TENM3: variants seen among roughly 807,000 people sequenced by gnomAD.
TENM3 encodes teneurin transmembrane protein 3.
A neutral mutation model predicts 255.1 loss-of-function variants in TENM3; 63 were observed. The observed-to-expected ratio is 0.25, with a 90% CI of 0.20 to 0.30. The LOEUF is 0.30. Ranked by LOEUF, TENM3 falls within the 10% of genes least tolerant of loss-of-function variation. TENM3 has a pLI of 1.00. For missense variants in TENM3, 2,929 were observed against 3,461.1 expected (o/e 0.85, Z 3.86); for synonymous variants, 1,306 against 1,322.3 (o/e 0.99, Z 0.27).
chr4:182,468,320 G>T (rs766835362), intron 3 of TENM3, among the ~76,000 whole-genome samples: 10 of 152,138 alleles, frequency 6.6e-5, no homozygotes, highest in Non-Finnish European at 1.0e-4. Context: ...TTTGACAGTG[G>T]TCAGATTTCC....
chr4:182,408,195 G>A (rs1769718954), intron 3 of TENM3, among the ~76,000 whole-genome samples: 1 of 152,168 alleles, frequency 6.6e-6, no homozygotes, highest in Non-Finnish European at 1.5e-5. Context: ...TCTGTTATTA[G>A]TAAATCATTG....
chr4:182,538,351 T>C (rs1420821306), intron 3 of TENM3, among the ~76,000 whole-genome samples: 1 of 152,134 alleles, frequency 6.6e-6, no homozygotes, highest in Non-Finnish European at 1.5e-5. Flanking sequence ...AAATGTCAAG[T>C]CACCACTCAG....
chr4:182,382,204 C>G (rs1339344480), intron 3 of TENM3, among the ~76,000 whole-genome samples: 1 of 152,066 alleles, frequency 6.6e-6, no homozygotes, highest in African/African-American at 2.4e-5. Flanking sequence ...TGAATTGGCT[C>G]TGTTTTGCTT....
intron 3 of TENM3, among the ~76,000 whole-genome samples, chr4:182,446,729 G>C (rs755401066): frequency 6.6e-6 from 1 of 151,874 alleles, no homozygotes; most frequent in Non-Finnish European, 1.5e-5. Flanking sequence ...CAAAATGCTG[G>C]GATTAGAGAC....
At chr4:182,113,030 T>A in the TENM3 span, among the ~76,000 whole-genome samples, 2 of 152,190 alleles carry the variant, frequency 1.3e-5, no homozygotes. Context: ...ATAAAATGTA[T>A]CAAGACATTC....
intron 4 of TENM3, among the ~76,000 whole-genome samples, chr4:182,608,726 A>T (rs1748675752): frequency 6.6e-6 from 1 of 152,154 alleles, no homozygotes; most frequent in Admixed American, 6.5e-5. Context: ...AGGACCCAGC[A>T]CTGGCTTTGC....
chr4:182,307,543 A>T (rs1195842223), intron 1 of TENM3, among the ~76,000 whole-genome samples: 1 of 152,210 alleles, frequency 6.6e-6, no homozygotes, highest in Non-Finnish European at 1.5e-5. Context: ...CTCCATCCAA[A>T]TTAAATTTAA....
the TENM3 span, among the ~76,000 whole-genome samples, chr4:182,104,703 G>A: frequency 2.6e-5 from 4 of 151,706 alleles, no homozygotes; most frequent in Admixed American, 6.6e-5. Flanking sequence ...TAGTAGAGAC[G>A]GGGTTTCACT....
chr4:182,754,924 A>G lies in TENM3; in HGVS notation c.4557A>G (p.Gln1519=), dbSNP rs1762620335. 6.2e-7 allele frequency: 1 copy of G among 1,614,064 alleles called. No individual in the cohort carries two copies. The highest frequency in any genetic ancestry group is 8.5e-7 in the Non-Finnish European group (1 of 1,179,896). Residue 1519 remains glutamine (Q), a synonymous_variant, in exon 22 of 28, where the codon CAA becomes CAG. Coordinates refer to ENST00000511685, the MANE Select transcript of TENM3 (RefSeq NM_001080477.4). The surrounding 1 kb of genome is among the most constrained non-coding windows in gnomAD (Gnocchi z 5.1). ...NFYEVASPTD[Q]ELYIFDINGT... ...ATGAAGTTGCGTCTCCAACTGATCAAGAACTCTACATCTTTGACATCAATG... is the reference window on the plus strand; with the variant it reads ...ATGAAGTTGCGTCTCCAACTGATCAGGAACTCTACATCTTTGACATCAATG...
At chr4:182,202,002 T>C (rs556272540) in intron 1 of TENM3, among the ~76,000 whole-genome samples, 2 of 152,214 alleles carry the variant, frequency 1.3e-5, no homozygotes, top group Non-Finnish European at 2.9e-5. Context: ...AGTAACAAAT[T>C]GGACAACCAC....
the TENM3 span, among the ~76,000 whole-genome samples, chr4:181,605,231 G>T: frequency 6.6e-6 from 1 of 151,844 alleles, no homozygotes; most frequent in East Asian, 2.0e-4. Context: ...GGATCACGAG[G>T]TTAGGAGATA....
chr4:182,049,394 TCTACC>T, the TENM3 span, among the ~76,000 whole-genome samples: 4 of 151,896 alleles, frequency 2.6e-5, no homozygotes, highest in South Asian at 2.1e-4. Flanking sequence ...CTTGCTTTCC[TCTACC>T]CTGGAAAGGG....
chr4:182,143,901 T>G (rs1321678348), upstream of TENM3: 1 of 152,600 alleles, frequency 6.6e-6, no homozygotes, highest in Admixed American at 6.5e-5. This position sits in a 1 kb window ranked among gnomAD's most constrained non-coding sequence, Gnocchi z 4.3. Context: ...GGAGCCTCGG[T>G]GCTTTCCCGA....
At chr4:181,484,352 T>C in the TENM3 span, among the ~76,000 whole-genome samples, 1 of 152,150 alleles carries the variant, frequency 6.6e-6, no homozygotes, top group Non-Finnish European at 1.5e-5. Context: ...GCCAAAACAA[T>C]ATCCTATATG....
chr4:181,979,869 G>A, the TENM3 span, among the ~76,000 whole-genome samples: 1 of 152,132 alleles, frequency 6.6e-6, no homozygotes, highest in South Asian at 2.1e-4. Context: ...TTGTTTGTTT[G>A]TTCGTTTTAG....
In TENM3 at chr4:182,679,798, G is replaced by A. The variant is rs1755987683; in HGVS notation, c.1459G>A (p.Asp487Asn). The A allele has an allele frequency of 6.2e-7, 1 of 1,613,970 alleles. No individual in the cohort carries two copies. The part of the protein sequence containing the change: ...LHEAGFIQYL[D>N]SGIWHLAFYN... ...TGAGGCCGGCTTTATCCAGTACTTG[G>A]ATTCTGGAATCTGGCATCTGGCTTT... Residue 487 changes from aspartate to asparagine, a missense_variant, in exon 8 of 28, where the codon GAT (aspartate) becomes AAT (asparagine). Asp to Asn is a conservative substitution (Grantham distance 23). Transcript: ENST00000511685.
At chr4:181,494,277 C>T in the TENM3 span, among the ~76,000 whole-genome samples, 10 of 152,104 alleles carry the variant, frequency 6.6e-5, no homozygotes, top group African/African-American at 2.4e-4. Context: ...CTCAAATCTG[C>T]CAAAGTCCGT....
At chr4:181,969,048 C>T in the TENM3 span, among the ~76,000 whole-genome samples, 3 of 151,264 alleles carry the variant, frequency 2.0e-5, no homozygotes, top group East Asian at 3.9e-4. Flanking sequence ...GTAATAATTT[C>T]CCCCATACAC....
At chr4:182,782,907 G>C (rs1210311069) in intron 24 of TENM3, among the ~76,000 whole-genome samples, 2 of 151,058 alleles carry the variant, frequency 1.3e-5, no homozygotes, top group Non-Finnish European at 3.0e-5. Context: ...CCATTGGCTT[G>C]GTAGATCTTC....
Sources: allele counts gnomAD v4.1 joint callset (sites outside exome capture counted in the v4.1 genomes callset), GRCh38; gene constraint gnomAD v4.1.1; non-coding constraint Gnocchi (gnomAD v3.1); transcripts MANE v1.5; gene names NCBI Gene and HGNC (gene_info 2026-07-23, HGNC 2026-07-21).